Variants in LRRC20 observed in about 807,000 individuals in gnomAD.
LRRC20 encodes the protein leucine rich repeat containing 20.
LRRC20 carries 11 observed loss-of-function variants against 14.4 expected under a neutral mutation model. The observed-to-expected ratio is 0.77, with a 90% CI of 0.48 to 1.27. The LOEUF (loss-of-function observed/expected upper bound fraction) is 1.27. LRRC20 is among the 50% of genes most tolerant of loss of function. The pLI is 0.00. For missense variants in LRRC20, 219 were observed against 251.2 expected (o/e 0.87, Z 0.87); for synonymous variants, 121 against 107.3 (o/e 1.13, Z -0.79).
chr10:70,371,051 TAAGA>T (rs1844245628), intron 2 of LRRC20, among the ~76,000 whole-genome samples: 1 of 151,884 alleles, frequency 6.6e-6, no homozygotes, highest in Admixed American at 6.6e-5. Context: ...AAATAGAGCA[TAAGA>T]AAGAAATAAG....
chr10:70,382,403 T>G (rs1844742495), intron 1 of LRRC20, 146 bp downstream of exon 1: 1 of 152,242 alleles, frequency 6.6e-6, no homozygotes, highest in African/African-American at 2.4e-5. Flanking sequence ...CCGGGTGACC[T>G]GGGGGAGGGG....
chr10:70,323,836 A>G (rs1161748502), intron 4 of LRRC20, 27 bp downstream of exon 4: 1 of 1,613,090 alleles, frequency 6.2e-7, no homozygotes, highest in Middle Eastern at 1.7e-4. Context: ...GCAGCAGCCC[A>G]GGGCCAGGTG....
chr10:70,308,777 A>C (rs1841527422), intron 4 of LRRC20, among the ~76,000 whole-genome samples: 1 of 152,146 alleles, frequency 6.6e-6, no homozygotes, highest in African/African-American at 2.4e-5. Context: ...GCAGGGTTAT[A>C]AGCAGACGTG....
At chr10:70,345,050 T>C (rs1843028367) in intron 2 of LRRC20, among the ~76,000 whole-genome samples, 1 of 152,144 alleles carries the variant, frequency 6.6e-6, no homozygotes, top group South Asian at 2.1e-4. Context: ...GTTTTAAAGT[T>C]CAACTAGGGA....
chr10:70,362,552 A>C (rs941748371), intron 2 of LRRC20, among the ~76,000 whole-genome samples: 4 of 152,270 alleles, frequency 2.6e-5, no homozygotes, highest in African/African-American at 7.2e-5. Flanking sequence ...AGTTAGAGTG[A>C]GGACCAGAAC....
At chr10:70,362,011 AC>A (rs368823969) in intron 2 of LRRC20, among the ~76,000 whole-genome samples, 69 of 152,232 alleles carry the variant, frequency 4.5e-4, no homozygotes, top group African/African-American at 1.6e-3. Flanking sequence ...ACATGGTGAA[AC>A]CCCGTCTCTA....
chr10:70,307,698 G>C (rs1453756640), intron 4 of LRRC20, among the ~76,000 whole-genome samples: 1 of 152,200 alleles, frequency 6.6e-6, no homozygotes, highest in Non-Finnish European at 1.5e-5. Flanking sequence ...AGAGTGGGTG[G>C]GTAGTGGTTA....
At chr10:70,359,653 T>A (rs1361780374) in intron 2 of LRRC20, among the ~76,000 whole-genome samples, 9 of 152,224 alleles carry the variant, frequency 5.9e-5, no homozygotes, top group Admixed American at 5.9e-4. Flanking sequence ...CTCTTGCACC[T>A]CTTCATCAAA....
chr10:70,327,910 G>A (rs1001169458), intron 3 of LRRC20, among the ~76,000 whole-genome samples: 1 of 152,270 alleles, frequency 6.6e-6, no homozygotes, highest in African/African-American at 2.4e-5. Context: ...AGAGAAGCAG[G>A]CCACGCTGGC....
In LRRC20 at chr10:70,378,098, T is replaced by C. The variant is rs544914761; in HGVS notation, c.-63-1502A>G. On this transcript the variant is annotated intron_variant, in intron 1 of 4. Coordinates refer to ENST00000446961, the MANE Select transcript of LRRC20 (RefSeq NM_001278212.2). Reference sequence around the variant, plus strand: ...TAGCTCAGAGCCCAGGACACGTAAATACTCAATAAAAGTTAAGAGGATAAA... The same window carrying C: ...TAGCTCAGAGCCCAGGACACGTAAACACTCAATAAAAGTTAAGAGGATAAA... 1.4e-4 allele frequency among the ~76,000 whole-genome samples: 22 copies of C among 152,276 alleles called. No homozygotes were observed. In the South Asian group the frequency reaches 4.6e-3, roughly 32 times the overall value.
At chr10:70,317,772 T>G (rs1286456772) in intron 4 of LRRC20, among the ~76,000 whole-genome samples, 1 of 152,160 alleles carries the variant, frequency 6.6e-6, no homozygotes, top group African/African-American at 2.4e-5. Context: ...TCAATCTGCC[T>G]CGTGAGCCCA....
At chr10:70,334,879 A>C (rs1842667019) in intron 3 of LRRC20, among the ~76,000 whole-genome samples, 1 of 152,146 alleles carries the variant, frequency 6.6e-6, no homozygotes, top group Non-Finnish European at 1.5e-5. Flanking sequence ...CTAATTGCTG[A>C]GATAATGAGG....
At chr10:70,368,211 G>A (rs1197018186) in intron 2 of LRRC20, among the ~76,000 whole-genome samples, 1 of 130,776 alleles carries the variant, frequency 7.6e-6, no homozygotes, top group Non-Finnish European at 1.5e-5. Flanking sequence ...AGGCTGAAGT[G>A]CAGTGGCACA....
At chr10:70,345,337 C>T (rs962965634) in intron 2 of LRRC20, among the ~76,000 whole-genome samples, 4 of 151,844 alleles carry the variant, frequency 2.6e-5, no homozygotes, top group African/African-American at 4.8e-5. Context: ...TAGAATTACA[C>T]GTTAAATATT....
chr10:70,336,282 C>T (rs191546697), intron 3 of LRRC20, among the ~76,000 whole-genome samples: 2 of 152,252 alleles, frequency 1.3e-5, no homozygotes, highest in African/African-American at 4.8e-5. Context: ...ATGTGAGAGA[C>T]TGAATATACA....
At chr10:70,376,631 G>A in intron 1 of LRRC20, 35 bp from the exon 2 acceptor site, 2 of 1,147,890 alleles carry the variant, frequency 1.7e-6, no homozygotes, top group African/African-American at 1.5e-5. Flanking sequence ...GTGCCCGCCT[G>A]CCAGCCAGGG....
At chr10:70,317,717 G>GCAGT (rs1361638024) in intron 4 of LRRC20, among the ~76,000 whole-genome samples, 1 of 152,170 alleles carries the variant, frequency 6.6e-6, no homozygotes, top group East Asian at 1.9e-4. Context: ...CTGAAGACAG[G>GCAGT]CAGTCAGTCC....
At chr10:70,343,684 A>G (rs1053319154) in intron 2 of LRRC20, among the ~76,000 whole-genome samples, 3 of 152,222 alleles carry the variant, frequency 2.0e-5, no homozygotes, top group African/African-American at 7.2e-5. Context: ...TAATCGTTCC[A>G]AACAACAAGC....
chr10:70,301,106 T>C lies in LRRC20; in HGVS notation c.*248A>G. 1 of 1,316,262 alleles carries C rather than the reference T, an allele frequency of 7.6e-7. No homozygotes were observed. Among genetic ancestry groups the C allele is most frequent in the Non-Finnish European group, 9.7e-7 (1 of 1,035,010 alleles). 81.5% of individuals were successfully genotyped at this position (1,316,262 alleles called of 1,614,324 possible). ...GCTCAGAGAGGGCAGGAGATCTGCC[T>C]GAGTTTGCACAGCAGCTGTGAGTGC... On this transcript the variant is annotated 3_prime_UTR_variant, in exon 5 of 5. Transcript: ENST00000446961.
Sources: gnomAD v4.1 joint callset for allele counts (sites outside exome capture counted in the v4.1 genomes callset) on GRCh38, gnomAD v4.1.1 for gene constraint, MANE v1.5 for transcripts, NCBI Gene and HGNC (gene_info 2026-07-23, HGNC 2026-07-21) for gene names.